Variants in SYT1 observed in about 807,000 individuals in gnomAD.
SYT1 encodes synaptotagmin 1.
In SYT1, 8 loss-of-function variants were observed where a neutral mutation model predicts 44.8. That is an observed-to-expected ratio of 0.18 (90% CI 0.10 to 0.32). The LOEUF is 0.32. Ranked by LOEUF, SYT1 falls within the 10% of genes least tolerant of loss-of-function variation. The pLI is 1.00. For synonymous variants in SYT1, 154 were observed against 188.8 expected (o/e 0.82, Z 1.51); for missense variants, 286 against 509.3 (o/e 0.56, Z 4.22).
chr12:79,066,747 A>G (rs1875891942), intron 3 of SYT1, among the ~76,000 whole-genome samples: 1 of 152,146 alleles, frequency 6.6e-6, no homozygotes, highest in African/African-American at 2.4e-5. Flanking sequence ...AGAAATGGGG[A>G]AAGGTGAGAC....
intron 8 of SYT1, among the ~76,000 whole-genome samples, chr12:79,345,695 A>C (rs1481194926): frequency 6.6e-6 from 1 of 152,242 alleles, no homozygotes; most frequent in African/African-American, 2.4e-5. Context: ...ATACTTCAGG[A>C]GTATGAGAGT....
At chr12:78,907,440 A>G (rs1442993219) in intron 1 of SYT1, among the ~76,000 whole-genome samples, 1 of 151,962 alleles carries the variant, frequency 6.6e-6, no homozygotes, top group Non-Finnish European at 1.5e-5. Flanking sequence ...ATCAGAATAT[A>G]TTACATAATA....
At chr12:79,314,762 TACA>T (rs1376689272) in intron 8 of SYT1, among the ~76,000 whole-genome samples, 12 of 152,156 alleles carry the variant, frequency 7.9e-5, no homozygotes, top group African/African-American at 1.7e-4. Flanking sequence ...AAAAAAAATG[TACA>T]ACAACAGTAG....
rs532373828 is a variant in SYT1 at position 79,284,700 on chromosome 12, A to T, written c.167-1087A>T. Among the ~76,000 whole-genome samples, 289 of 152,122 alleles carry T rather than the reference A, an allele frequency of 1.9e-3. 1 individual carries two copies. The highest frequency in any genetic ancestry group is 2.7e-3 in the Non-Finnish European group (182 of 67,968). On this transcript the variant is annotated intron_variant, in intron 4 of 10. Transcript: ENST00000261205. The stretch of plus-strand genomic sequence containing the variant: ...AAAAAAATATAAAAATTAGCTGGGC[A>T]TGGTGGCGTGTGCCTGAAGTCCCAG...
chr12:79,176,234 G>T (rs1205009435), intron 3 of SYT1, among the ~76,000 whole-genome samples: 1 of 149,798 alleles, frequency 6.7e-6, no homozygotes. Flanking sequence ...AGGTTTCAGT[G>T]AGCCAAGATC....
At chr12:78,951,245 T>G (rs1285266213) in intron 1 of SYT1, among the ~76,000 whole-genome samples, 1 of 152,158 alleles carries the variant, frequency 6.6e-6, no homozygotes, top group Non-Finnish European at 1.5e-5. Context: ...CTTTACCTCC[T>G]AATACGTCAG....
intron 1 of SYT1, among the ~76,000 whole-genome samples, chr12:78,962,018 GTTGT>G (rs1879530582): frequency 1.3e-5 from 2 of 152,162 alleles, no homozygotes; most frequent in South Asian, 4.2e-4. Flanking sequence ...ATCGGATTAT[GTTGT>G]TTGTTGTTTT....
intron 9 of SYT1, among the ~76,000 whole-genome samples, chr12:79,381,801 A>C (rs1432876063): frequency 6.6e-6 from 1 of 152,156 alleles, no homozygotes; most frequent in Non-Finnish European, 1.5e-5. Flanking sequence ...AATGTTTTCT[A>C]CATCTTGTTA....
At chr12:79,167,956 G>A (rs1871311958) in intron 3 of SYT1, among the ~76,000 whole-genome samples, 1 of 151,918 alleles carries the variant, frequency 6.6e-6, no homozygotes, top group African/African-American at 2.4e-5. Flanking sequence ...TCACCACAGG[G>A]TTCACAATCC....
chr12:79,269,781 C>T (rs764374049), intron 4 of SYT1, among the ~76,000 whole-genome samples: 7 of 151,920 alleles, frequency 4.6e-5, no homozygotes, highest in Non-Finnish European at 8.8e-5. Flanking sequence ...TTAAACTGGA[C>T]ATATGATTCA....
intron 1 of SYT1, among the ~76,000 whole-genome samples, chr12:78,919,900 T>C (rs1011311574): frequency 6.6e-6 from 1 of 152,030 alleles, no homozygotes; most frequent in East Asian, 1.9e-4. Flanking sequence ...ATTTGTATTA[T>C]ATATGTCAAG....
At chr12:79,010,021 C>T (rs1188153789) in intron 2 of SYT1, among the ~76,000 whole-genome samples, 2 of 152,098 alleles carry the variant, frequency 1.3e-5, no homozygotes, top group African/African-American at 4.8e-5. Context: ...TGGAATACTG[C>T]TATGTGAGTC....
intron 9 of SYT1, among the ~76,000 whole-genome samples, chr12:79,403,225 C>T (rs1479334437): frequency 6.6e-6 from 1 of 152,084 alleles, no homozygotes; most frequent in African/African-American, 2.4e-5. Context: ...ATACAGGATT[C>T]CCCAGAGAAA....
intron 3 of SYT1, among the ~76,000 whole-genome samples, chr12:79,129,267 T>C (rs967441814): frequency 6.6e-6 from 1 of 152,198 alleles, no homozygotes; most frequent in African/African-American, 2.4e-5. Flanking sequence ...TAAATACACA[T>C]GCTATTAAGG....
At chr12:79,405,163 A>G (rs1885200565) in intron 9 of SYT1, among the ~76,000 whole-genome samples, 2 of 152,170 alleles carry the variant, frequency 1.3e-5, no homozygotes, top group Admixed American at 6.6e-5. Flanking sequence ...AGTATTGGAG[A>G]TATCTGATCT....
intron 4 of SYT1, among the ~76,000 whole-genome samples, chr12:79,257,041 A>G (rs1877562073): frequency 6.6e-6 from 1 of 152,222 alleles, no homozygotes; most frequent in Non-Finnish European, 1.5e-5. Context: ...GCCAAGATAA[A>G]TGATCTTAAA....
At chr12:79,447,682 A>G (rs1312715426) in intron 10 of SYT1, among the ~76,000 whole-genome samples, 1 of 152,144 alleles carries the variant, frequency 6.6e-6, no homozygotes, top group South Asian at 2.1e-4. Context: ...TGTTCCAGAA[A>G]CTATCCAGTG....
rs186322595 is a variant in SYT1 at position 79,279,900 on chromosome 12, A to G, written c.167-5887A>G. 2.9e-4 allele frequency among the ~76,000 whole-genome samples: 44 copies of G among 152,202 alleles called. No individual in the cohort carries two copies. The East Asian group carries it at 8.3e-3, about 29-fold the overall frequency. ...ACTCAATCCCATTTATAATAGCTGC[A>G]AAAAACATAAAATACCTAAAAATAT... is the stretch of plus-strand genomic sequence containing the variant. On this transcript the variant is annotated intron_variant, in intron 4 of 10. Transcript: ENST00000261205.
At chr12:79,142,739 A>G (rs1322119647) in intron 3 of SYT1, among the ~76,000 whole-genome samples, 2 of 152,250 alleles carry the variant, frequency 1.3e-5, no homozygotes, top group Admixed American at 6.5e-5. Context: ...TAAAATAGCT[A>G]TCATTGCTTT....
Sources: allele counts gnomAD v4.1 joint callset (sites outside exome capture counted in the v4.1 genomes callset), GRCh38; gene constraint gnomAD v4.1.1; transcripts MANE v1.5; gene names NCBI Gene and HGNC (gene_info 2026-07-23, HGNC 2026-07-21).